The following ADAMTS2 variants were observed in gnomAD, a reference collection of about 807,000 sequenced individuals.
ADAMTS2 encodes the protein ADAM metallopeptidase with thrombospondin type 1 motif 2.
A neutral mutation model predicts 123.0 loss-of-function variants in ADAMTS2; 50 were observed. The observed-to-expected ratio is 0.41, with a 90% confidence interval of 0.32 to 0.51. ADAMTS2 has a LOEUF of 0.51. ADAMTS2 is among the 20% of genes least tolerant of loss of function. The pLI, the probability that ADAMTS2 is intolerant of heterozygous loss-of-function variation, is 0.35. For synonymous variants in ADAMTS2, 678 were observed against 695.4 expected, an observed-to-expected ratio of 0.98 and a Z score of 0.39; for missense variants, 1,494 against 1,705.2, an observed-to-expected ratio of 0.88 and a Z score of 2.18.
intron 2 of ADAMTS2, among the ~76,000 whole-genome samples, chr5:179,292,353 G>T (rs780442215): frequency 2.0e-5 from 3 of 151,316 alleles, no homozygotes; most frequent in Non-Finnish European, 2.9e-5. Flanking sequence ...AGCTGTGGGA[G>T]ATATAAATAT....
chr5:179,165,026 C>T (rs929637884), intron 5 of ADAMTS2, among the ~76,000 whole-genome samples: 2 of 152,224 alleles, frequency 1.3e-5, no homozygotes, highest in African/African-American at 4.8e-5. Flanking sequence ...CAGGGCAAGG[C>T]CCTCGCTACT....
chr5:179,233,744 C>T (rs1765465430), intron 3 of ADAMTS2, among the ~76,000 whole-genome samples: 1 of 152,128 alleles, frequency 6.6e-6, no homozygotes, highest in African/African-American at 2.4e-5. Context: ...AACAGAAACA[C>T]ACACTACACT....
intron 2 of ADAMTS2, among the ~76,000 whole-genome samples, chr5:179,339,853 G>A (rs1351791368): frequency 6.6e-6 from 1 of 152,260 alleles, no homozygotes; most frequent in Non-Finnish European, 1.5e-5. Flanking sequence ...GAGCCTGCTG[G>A]AGCCCAGTGT....
intron 2 of ADAMTS2, among the ~76,000 whole-genome samples, chr5:179,288,679 G>A (rs938952953): frequency 5.3e-5 from 8 of 152,234 alleles, no homozygotes; most frequent in African/African-American, 1.9e-4. Flanking sequence ...AGCCGGAGCA[G>A]CGAGGCCAGC....
At chr5:179,246,995 A>C (rs1765815717) in intron 3 of ADAMTS2, among the ~76,000 whole-genome samples, 2 of 152,236 alleles carry the variant, frequency 1.3e-5, no homozygotes, top group African/African-American at 4.8e-5. Context: ...AGTATGCAAA[A>C]TAACAAGAAA....
rs1482734221 is a variant in ADAMTS2, at chr5:179,314,533, C to T, written c.534+29234G>A. ...CAGGAAGCAGCCCTCCCACCCACAG[C>T]GCTCCTGCCTCTGCAGCCCCCCGGG... On this transcript the variant is annotated intron_variant, in intron 2 of 21. Coordinates refer to ENST00000251582, the MANE Select transcript of ADAMTS2 (RefSeq NM_014244.5). The surrounding 1 kb of genome is among the most constrained non-coding windows in gnomAD (Gnocchi z 4.5). 2.6e-5 allele frequency among the ~76,000 whole-genome samples: 4 copies of T among 152,220 alleles called. No homozygotes were observed. The highest frequency in any genetic ancestry group is 5.9e-5 in the Non-Finnish European group (4 of 68,034).
chr5:179,167,263 G>A (rs1462681083), intron 5 of ADAMTS2, among the ~76,000 whole-genome samples: 1 of 151,984 alleles, frequency 6.6e-6, no homozygotes, highest in African/African-American at 2.4e-5. Context: ...AGGAAGGGCC[G>A]GGCCCGAGCG....
In ADAMTS2 at chr5:179,197,485, A is replaced by G. The variant is rs532493670; in HGVS notation, c.891+10028T>C. ...GTGGCTCGTGCCTGTGATCCCAGCT[A>G]CTCAGGAAGCTGAGACAGCAGGATC... On this transcript the variant is annotated intron_variant, in intron 4 of 21. Transcript: ENST00000251582. The surrounding 1 kb of genome is among the most constrained non-coding windows in gnomAD (Gnocchi z 4.2). Among the ~76,000 whole-genome samples the G allele has an allele frequency of 3.3e-4, 50 of 152,222 alleles. No homozygotes were observed. The highest frequency in any genetic ancestry group is 8.5e-4 in the Admixed American group (13 of 15,288).
At chr5:179,220,972 C>G (rs529114583) in intron 3 of ADAMTS2, among the ~76,000 whole-genome samples, 10 of 152,314 alleles carry the variant, frequency 6.6e-5, no homozygotes, top group African/African-American at 2.2e-4. Context: ...TGCAGGGACT[C>G]AGCACCTGCC....
intron 2 of ADAMTS2, among the ~76,000 whole-genome samples, chr5:179,305,578 C>A (rs1481658440): frequency 1.3e-5 from 2 of 151,946 alleles, no homozygotes; most frequent in African/African-American, 4.8e-5. Context: ...CCAAAACATG[C>A]TCAAATAGAA....
At chr5:179,179,359 A>C (rs751520970) in intron 5 of ADAMTS2, among the ~76,000 whole-genome samples, 8 of 152,162 alleles carry the variant, frequency 5.3e-5, no homozygotes, top group Non-Finnish European at 1.0e-4. Flanking sequence ...GAAGATGGAC[A>C]AAATCGTTTT....
At chr5:179,226,048 C>G (rs1765276292) in intron 3 of ADAMTS2, among the ~76,000 whole-genome samples, 1 of 152,146 alleles carries the variant, frequency 6.6e-6, no homozygotes, top group Non-Finnish European at 1.5e-5. Context: ...CGTCTGTATT[C>G]TCCCCCAGAG....
chr5:179,343,003 G>A (rs1268947339), intron 2 of ADAMTS2, among the ~76,000 whole-genome samples: 2 of 148,968 alleles, frequency 1.3e-5, no homozygotes. Context: ...CCAAAAGATC[G>A]AGCAGCTCAT....
chr5:179,167,908 C>A (rs1373728797), intron 5 of ADAMTS2, among the ~76,000 whole-genome samples: 1 of 152,204 alleles, frequency 6.6e-6, no homozygotes, highest in African/African-American at 2.4e-5. Flanking sequence ...TGGAGTATAA[C>A]ACCAGTCCCT....
chr5:179,196,935 C>T (rs961207077), intron 4 of ADAMTS2, among the ~76,000 whole-genome samples: 3 of 152,264 alleles, frequency 2.0e-5, no homozygotes, highest in Non-Finnish European at 4.4e-5. Context: ...CCAGGTGGCC[C>T]TGGGGCCAGA....
rs1259474634 is a variant in ADAMTS2, at chr5:179,345,240, G to T, written c.89C>A (p.Pro30Gln). 1 of 1,146,816 alleles carries T rather than the reference G, an allele frequency of 8.7e-7. No homozygotes were observed. The highest frequency in any genetic ancestry group is 1.1e-6 in the Non-Finnish European group (1 of 939,600). 71.0% of individuals were successfully genotyped at this position (1,146,816 alleles called of 1,614,324 possible). A position where few individuals can be genotyped will look rare whatever the true frequency, so the allele number is the denominator to read the frequency against. The change falls in exon 1 of 22, where the codon CCG (proline) becomes CAG (glutamine). Residue 30 changes from proline to glutamine, a missense_variant. Physicochemically the swap from Pro to Gln is moderately conservative, Grantham distance 76. Transcript: ENST00000251582. The surrounding 1 kb of genome is among the most constrained non-coding windows in gnomAD (Gnocchi z 7.5). ...LLLLPPPLLP[P>Q]PPPPANARLA... ...CCTGGCGTTCGCGGGCGGCGGCGGC[G>T]GCGGCAGGAGCGGCGGCGGCAGCAG...
At chr5:179,163,032 G>T (rs2113274762) in intron 5 of ADAMTS2, among the ~76,000 whole-genome samples, 1 of 152,354 alleles carries the variant, frequency 6.6e-6, no homozygotes, top group Non-Finnish European at 1.5e-5. Context: ...CAGCCAGAAA[G>T]ACATGCCCCA....
intron 2 of ADAMTS2, among the ~76,000 whole-genome samples, chr5:179,329,099 G>GT (rs1561754013): frequency 6.6e-6 from 1 of 152,144 alleles, no homozygotes; most frequent in Non-Finnish European, 1.5e-5. Flanking sequence ...AGGCCAAGGA[G>GT]GGCGGATCAC....
At chr5:179,290,750 G>A (rs958562868) in intron 2 of ADAMTS2, among the ~76,000 whole-genome samples, 1 of 152,188 alleles carries the variant, frequency 6.6e-6, no homozygotes, top group Admixed American at 6.5e-5. Context: ...CCTTTCCCTG[G>A]AGTGGAGGCG....
Sources: allele counts gnomAD v4.1 joint callset (sites outside exome capture counted in the v4.1 genomes callset), GRCh38; gene constraint gnomAD v4.1.1; non-coding constraint Gnocchi (gnomAD v3.1); transcripts MANE v1.5; gene names NCBI Gene and HGNC (gene_info 2026-07-23, HGNC 2026-07-21).